The following DOCK2 variants were observed in gnomAD, a reference collection of about 807,000 sequenced individuals.
DOCK2 encodes the protein dedicator of cytokinesis 2, also known as dedicator of cytokinesis protein 2.
A neutral mutation model predicts 248.9 loss-of-function variants in DOCK2; 87 were observed. The observed-to-expected ratio is 0.35, with a 90% CI of 0.29 to 0.42. The LOEUF is 0.42. DOCK2 is among the 10% of genes least tolerant of loss of function. The pLI is 1.00. For synonymous variants in DOCK2, 805 were observed against 821.6 expected (o/e 0.98, Z 0.35); for missense variants, 1,747 against 2,300.2 (o/e 0.76, Z 4.92).
chr5:169,855,547 T>C (rs1218543470), intron 27 of DOCK2, among the ~76,000 whole-genome samples: 3 of 152,130 alleles, frequency 2.0e-5, no homozygotes, highest in Non-Finnish European at 4.4e-5. Context: ...ACTAGAGATA[T>C]AAAAACCAGG....
At chr5:169,661,108 C>CA (rs1442758529) in intron 2 of DOCK2, among the ~76,000 whole-genome samples, 1 of 152,080 alleles carries the variant, frequency 6.6e-6, no homozygotes. Context: ...GGACACTGGA[C>CA]AAACTCTCTG....
intron 22 of DOCK2, among the ~76,000 whole-genome samples, chr5:169,727,207 G>A (rs944683579): frequency 6.6e-6 from 1 of 152,160 alleles, no homozygotes; most frequent in Non-Finnish European, 1.5e-5. Context: ...CATTTATGAA[G>A]CCTCTCCTCT....
intron 6 of DOCK2, among the ~76,000 whole-genome samples, chr5:169,681,154 C>T (rs1305508166): frequency 6.5e-5 from 8 of 123,528 alleles, no homozygotes; most frequent in Admixed American, 2.0e-4. Flanking sequence ...GATGGAGTCT[C>T]GCTCTGTCAC....
At chr5:169,832,598 G>T (rs1339373226) in intron 26 of DOCK2, among the ~76,000 whole-genome samples, 2 of 152,190 alleles carry the variant, frequency 1.3e-5, no homozygotes, top group Non-Finnish European at 2.9e-5. Flanking sequence ...GAAGAAAGAA[G>T]ACAGCACTAA....
At chr5:170,058,847 C>T (rs7727777) in intron 44 of DOCK2, among the ~76,000 whole-genome samples, 33,218 of 152,106 alleles carry the variant, frequency 0.22, 3,887 homozygotes, top group African/African-American at 0.28. Flanking sequence ...CTCTTTTCAG[C>T]GAACCCAGCA....
At chr5:169,783,907 C>T (rs534480392) in intron 25 of DOCK2, among the ~76,000 whole-genome samples, 1 of 152,322 alleles carries the variant, frequency 6.6e-6, no homozygotes, top group East Asian at 1.9e-4. Flanking sequence ...AATCTACTGT[C>T]TCCTAGGAAG....
chr5:169,736,782 G>A (rs262840), intron 22 of DOCK2, among the ~76,000 whole-genome samples: 14,778 of 152,110 alleles, frequency 0.097, 1,715 homozygotes, highest in African/African-American at 0.28. Context: ...TGCATACTGG[G>A]CCATAAAACT....
intron 25 of DOCK2, among the ~76,000 whole-genome samples, chr5:169,766,855 C>T (rs1581160962): frequency 6.6e-6 from 1 of 152,326 alleles, no homozygotes; most frequent in East Asian, 1.9e-4. Context: ...GAAACCCCCA[C>T]CTCCTGGGTT....
intron 32 of DOCK2, among the ~76,000 whole-genome samples, chr5:170,015,545 T>G (rs1192542758): frequency 6.1e-5 from 9 of 147,582 alleles, no homozygotes; most frequent in Admixed American, 4.1e-4. Flanking sequence ...TGTCTTCCCC[T>G]TTTGAACTGA....
chr5:170,009,020 A>G (rs898921694), intron 32 of DOCK2, among the ~76,000 whole-genome samples: 1 of 151,998 alleles, frequency 6.6e-6, no homozygotes. Flanking sequence ...AATTTATAAG[A>G]GGGACCAGGA....
chr5:170,061,119 A>T (rs1265741509), intron 44 of DOCK2, among the ~76,000 whole-genome samples: 2 of 152,182 alleles, frequency 1.3e-5, no homozygotes, highest in African/African-American at 4.8e-5. Flanking sequence ...TCCCTCACCC[A>T]TCCACACACA....
At chr5:169,915,805 A>C (rs375245079) in intron 27 of DOCK2, among the ~76,000 whole-genome samples, 1 of 152,212 alleles carries the variant, frequency 6.6e-6, no homozygotes, top group South Asian at 2.1e-4. Flanking sequence ...GATATCCCAA[A>C]ACTGAGCTGG....
intron 22 of DOCK2, among the ~76,000 whole-genome samples, chr5:169,720,958 G>C (rs1411370766): frequency 2.0e-5 from 3 of 152,172 alleles, no homozygotes; most frequent in African/African-American, 7.2e-5. Flanking sequence ...TCCTGATCTC[G>C]TGATCTGCCC....
chr5:169,735,186 T>G (rs1323633499), intron 22 of DOCK2, among the ~76,000 whole-genome samples: 2 of 152,184 alleles, frequency 1.3e-5, no homozygotes, highest in African/African-American at 2.4e-5. Flanking sequence ...TTCTTTTTAT[T>G]CTTCTTAGGA....
chr5:170,014,896 G>GC, intron 32 of DOCK2, among the ~76,000 whole-genome samples: 1 of 152,228 alleles, frequency 6.6e-6, no homozygotes, highest in Middle Eastern at 3.4e-3. Flanking sequence ...TCCAACTGGG[G>GC]CTTTTCAAAC....
At chr5:169,893,134 G>A (rs961530755) in intron 27 of DOCK2, among the ~76,000 whole-genome samples, 1 of 152,132 alleles carries the variant, frequency 6.6e-6, no homozygotes, top group Non-Finnish European at 1.5e-5. Context: ...CTATGTCAAG[G>A]GTGGGGAATC....
At chr5:170,000,082 G>A (rs1354413973) in intron 30 of DOCK2, 1 of 152,208 alleles carries the variant, frequency 6.6e-6, no homozygotes, top group East Asian at 1.9e-4. Flanking sequence ...ATGTGGTCAG[G>A]GAAGACCAAG....
intron 44 of DOCK2, among the ~76,000 whole-genome samples, chr5:170,060,000 G>A (rs1757274514): frequency 6.6e-6 from 1 of 152,214 alleles, no homozygotes; most frequent in Non-Finnish European, 1.5e-5. Flanking sequence ...GCTCTTCTAA[G>A]TGACTTCATT....
intron 27 of DOCK2, among the ~76,000 whole-genome samples, chr5:169,900,203 G>A (rs1416650456): frequency 6.6e-6 from 1 of 152,174 alleles, no homozygotes; most frequent in Non-Finnish European, 1.5e-5. Context: ...CAAGCTTTAA[G>A]CAAGGTCAGG....
Sources: gnomAD v4.1 joint callset for allele counts (sites outside exome capture counted in the v4.1 genomes callset) on GRCh38, gnomAD v4.1.1 for gene constraint, MANE v1.5 for transcripts, NCBI Gene and HGNC (gene_info 2026-07-23, HGNC 2026-07-21) for gene names.